RERE: variants seen among roughly 807,000 people sequenced by gnomAD.
RERE encodes arginine-glutamic acid dipeptide repeats protein.
A neutral mutation model predicts 146.1 loss-of-function variants in RERE; 40 were observed. That is an observed-to-expected ratio of 0.27 (90% confidence interval 0.21 to 0.36). RERE has a LOEUF of 0.36. Ranked by LOEUF, RERE falls within the 10% of genes least tolerant of loss-of-function variation. The pLI, the probability that RERE is intolerant of heterozygous loss-of-function variation, is 1.00. For synonymous variants in RERE, 1,003 were observed against 866.0 expected, an observed-to-expected ratio of 1.16 and a Z score of -2.78; for missense variants, 1,933 against 2,138.7, an observed-to-expected ratio of 0.90 and a Z score of 1.90.
intron 1 of RERE, among the ~76,000 whole-genome samples, chr1:8,671,197 G>T (rs1425686954): frequency 6.6e-6 from 1 of 152,168 alleles, no homozygotes; most frequent in South Asian, 2.1e-4. Flanking sequence ...AACTACTAGG[G>T]ATGAAATATT....
chr1:8,810,569 T>C (rs1462309815), intron 1 of RERE, among the ~76,000 whole-genome samples: 2 of 152,158 alleles, frequency 1.3e-5, no homozygotes, highest in Non-Finnish European at 2.9e-5. Context: ...ATTGCGCCAC[T>C]GCACTCCAAC....
At chr1:8,550,341 G>A (rs1355966992) in intron 6 of RERE, among the ~76,000 whole-genome samples, 1 of 152,170 alleles carries the variant, frequency 6.6e-6, no homozygotes, top group Non-Finnish European at 1.5e-5. Context: ...GCAATTGACA[G>A]GTTATGATGT....
At chr1:8,565,768 T>C (rs753719655) in intron 4 of RERE, among the ~76,000 whole-genome samples, 2 of 152,100 alleles carry the variant, frequency 1.3e-5, no homozygotes, top group Non-Finnish European at 2.9e-5. Context: ...ATATTATCCA[T>C]ATAACTTTAC....
At chr1:8,648,470 T>C (rs11121210) in intron 2 of RERE, among the ~76,000 whole-genome samples, 97,951 of 151,978 alleles carry the variant, frequency 0.64, 32,077 homozygotes, top group East Asian at 0.83. Flanking sequence ...GGGCTCAATC[T>C]ACCTACCTAC....
At chr1:8,771,632 C>T (rs986941508) in intron 1 of RERE, among the ~76,000 whole-genome samples, 3 of 151,524 alleles carry the variant, frequency 2.0e-5, no homozygotes, top group African/African-American at 4.8e-5. Context: ...AAAGATGGGC[C>T]GGGCATGGTG....
At chr1:8,678,305 T>C (rs566387055) in intron 1 of RERE, among the ~76,000 whole-genome samples, 27 of 152,230 alleles carry the variant, frequency 1.8e-4, no homozygotes, top group African/African-American at 4.8e-4. Flanking sequence ...ACGTTTTTCT[T>C]AAATACTTAA....
chr1:8,566,918 G>T (rs1002090833), intron 4 of RERE, among the ~76,000 whole-genome samples: 1 of 151,704 alleles, frequency 6.6e-6, no homozygotes, highest in Non-Finnish European at 1.5e-5. Flanking sequence ...AGCATTCTGA[G>T]TAGCTGGGAC....
At chr1:8,444,395 G>A (rs887061633) in intron 11 of RERE, among the ~76,000 whole-genome samples, 1 of 152,126 alleles carries the variant, frequency 6.6e-6, no homozygotes, top group Non-Finnish European at 1.5e-5. Flanking sequence ...ACTTGTTTTT[G>A]ATTTTACAGG....
At chr1:8,458,268 TAG>T (rs757452513) in intron 11 of RERE, among the ~76,000 whole-genome samples, 10 of 152,168 alleles carry the variant, frequency 6.6e-5, no homozygotes, top group Non-Finnish European at 1.5e-4. Context: ...AGAAAGATGA[TAG>T]AGAGTGGCTG....
intron 11 of RERE, 46 bp downstream of exon 11, chr1:8,465,879 T>G: frequency 6.5e-7 from 1 of 1,527,432 alleles, no homozygotes; most frequent in Non-Finnish European, 9.1e-7. Context: ...GAGACGCCGG[T>G]GGCCCGATGC....
In RERE at chr1:8,635,928, T is replaced by C. The variant is rs184609773; in HGVS notation, c.326-11548A>G. ...AGGTAGACATGGAAACAACTGTATGTCTTCAATTATTATTTTATTTTATCT... is the reference window on the plus strand; with the variant it reads ...AGGTAGACATGGAAACAACTGTATGCCTTCAATTATTATTTTATTTTATCT... On this transcript the variant is annotated intron_variant, in intron 2 of 22. Transcript: ENST00000400908. Among the ~76,000 whole-genome samples, 828 of 151,128 alleles carry C rather than the reference T, an allele frequency of 5.5e-3. 9 individuals carry two copies. Among genetic ancestry groups the C allele is most frequent in the African/African-American group, 0.019 (763 of 40,816 alleles).
chr1:8,521,176 C>CAAAAAAAAAAAAAAA (rs36115526), intron 7 of RERE, among the ~76,000 whole-genome samples: 1 of 109,974 alleles, frequency 9.1e-6, no homozygotes, highest in African/African-American at 3.6e-5. Context: ...TTCTTTTTTT[C>CAAAAAAAAAAAAAAA]AAAAAAAAAA....
intron 12 of RERE, among the ~76,000 whole-genome samples, chr1:8,372,588 TA>T (rs138426467): frequency 0.16 from 24,662 of 150,350 alleles, 2,257 homozygotes; most frequent in South Asian, 0.28. Flanking sequence ...TAAATAACCG[TA>T]TGCGCACCCC....
At chr1:8,456,099 C>A (rs572679125) in intron 11 of RERE, among the ~76,000 whole-genome samples, 2 of 152,312 alleles carry the variant, frequency 1.3e-5, no homozygotes, top group Admixed American at 1.3e-4. Context: ...GGGAAGCTGG[C>A]CTCTTCTGTC....
intron 1 of RERE, among the ~76,000 whole-genome samples, chr1:8,745,380 G>C (rs998050482): frequency 2.0e-5 from 3 of 152,132 alleles, no homozygotes; most frequent in African/African-American, 7.2e-5. Flanking sequence ...AACAGGCTCA[G>C]GTATTTCTTT....
chr1:8,464,159 T>C (rs932462260), intron 11 of RERE, among the ~76,000 whole-genome samples: 1 of 152,244 alleles, frequency 6.6e-6, no homozygotes, highest in African/African-American at 2.4e-5. Context: ...TGGTTTTGTT[T>C]GTTTTAAAAC....
At chr1:8,428,542 A>AG (rs773175163) in intron 11 of RERE, 1 of 152,230 alleles carries the variant, frequency 6.6e-6, no homozygotes, top group Non-Finnish European at 1.5e-5. Flanking sequence ...AAAGTTACCT[A>AG]CCTACAAGTC....
rs1394533929 is a variant in RERE, at chr1:8,802,628, G to GT, written c.-145+14531dup. On this transcript the variant is annotated intron_variant, in intron 1 of 22. Transcript: ENST00000400908. ...AGCTGATTCTCTTTCTTAAACCACA[G>GT]TATCAACACCTTTTGAGGCACTTTC... Among the ~76,000 whole-genome samples, 9 of 152,230 alleles carry GT rather than the reference G, an allele frequency of 5.9e-5. No homozygotes were observed. In the East Asian group the frequency reaches 1.5e-3, roughly 26 times the overall value.
chr1:8,408,822 C>T (rs61438249), intron 12 of RERE, among the ~76,000 whole-genome samples: 3,533 of 152,114 alleles, frequency 0.023, 146 homozygotes, highest in African/African-American at 0.081. Flanking sequence ...GTGAGTGCTG[C>T]GGGGAGGTGG....
Sources: allele counts gnomAD v4.1 joint callset (sites outside exome capture counted in the v4.1 genomes callset), GRCh38; gene constraint gnomAD v4.1.1; transcripts MANE v1.5; gene names NCBI Gene and HGNC (gene_info 2026-07-23, HGNC 2026-07-21).